Variants in LINGO2 observed in about 807,000 individuals in gnomAD.
The protein encoded by LINGO2 is leucine-rich repeat and immunoglobulin-like domain-containing nogo receptor-interacting protein 2.
Under a neutral mutation model 30.6 loss-of-function variants are expected in LINGO2, and 14 were observed. The ratio of observed to expected loss-of-function variants is 0.46; its 90% CI spans 0.30 to 0.72. The LOEUF is 0.72. Among genes scored for constraint, LINGO2 ranks in the 30% least tolerant of loss-of-function variants. The pLI is 0.07. For missense variants in LINGO2, 729 were observed against 751.7 expected (o/e 0.97, Z 0.35); for synonymous variants, 317 against 288.5 (o/e 1.10, Z -1.00).
At chr9:28,869,937 G>T in the LINGO2 span, among the ~76,000 whole-genome samples, 2 of 151,136 alleles carry the variant, frequency 1.3e-5, no homozygotes, top group African/African-American at 4.9e-5. Context: ...TAAAGGAAAG[G>T]ACACATCAGT....
intron 1 of LINGO2, among the ~76,000 whole-genome samples, chr9:28,646,715 T>G (rs563454612): frequency 6.6e-6 from 1 of 152,232 alleles, no homozygotes; most frequent in South Asian, 2.1e-4. Flanking sequence ...TAATTTCTTA[T>G]GAAATGTCAC....
At chr9:27,955,571 T>C (rs1379736477) in intron 5 of LINGO2, among the ~76,000 whole-genome samples, 1 of 152,210 alleles carries the variant, frequency 6.6e-6, no homozygotes, top group African/African-American at 2.4e-5. Context: ...TAATATATAC[T>C]CTTATGTCCA....
chr9:28,626,697 T>C (rs2135853652), intron 1 of LINGO2, among the ~76,000 whole-genome samples: 1 of 152,194 alleles, frequency 6.6e-6, no homozygotes, highest in East Asian at 1.9e-4. Flanking sequence ...ACGTTTTTTC[T>C]CTCTCTGTTC....
At chr9:28,388,610 C>A (rs1821696355) in intron 2 of LINGO2, among the ~76,000 whole-genome samples, 1 of 152,122 alleles carries the variant, frequency 6.6e-6, no homozygotes, top group Non-Finnish European at 1.5e-5. Context: ...AATCCTGTAT[C>A]TCACCCTTCA....
At chr9:27,960,619 T>C (rs1223335516) in intron 5 of LINGO2, among the ~76,000 whole-genome samples, 11 of 131,366 alleles carry the variant, frequency 8.4e-5, no homozygotes, top group Non-Finnish European at 1.5e-4. Flanking sequence ...TATATCTTTT[T>C]TTTTTTTTTT....
chr9:28,736,689 G>T, the LINGO2 span, among the ~76,000 whole-genome samples: 1 of 152,042 alleles, frequency 6.6e-6, no homozygotes, highest in African/African-American at 2.4e-5. Context: ...CTACTTGCGG[G>T]GCTGAGGCAG....
intron 1 of LINGO2, among the ~76,000 whole-genome samples, chr9:28,528,852 T>G (rs1227551118): frequency 6.6e-6 from 1 of 152,074 alleles, no homozygotes; most frequent in African/African-American, 2.4e-5. Context: ...TCAAATAAAA[T>G]TTGATATTTT....
At chr9:28,348,135 G>A (rs34882496) in intron 3 of LINGO2, among the ~76,000 whole-genome samples, 12,054 of 152,088 alleles carry the variant, frequency 0.079, 643 homozygotes, top group East Asian at 0.16. Flanking sequence ...TGCTGTTCAC[G>A]GTGGAGGAGC....
intron 2 of LINGO2, among the ~76,000 whole-genome samples, chr9:28,404,900 T>TTGTGTGTGTGTGTGTGTGTGTG (rs60281661): frequency 1.3e-4 from 13 of 102,550 alleles, no homozygotes; most frequent in African/African-American, 3.5e-4. Flanking sequence ...CTCAGCCGCT[T>TTGTGTGTGTGTGTGTGTGTGTG]TGTGTGTGTG....
the LINGO2 span, among the ~76,000 whole-genome samples, chr9:28,732,057 G>A: frequency 2.6e-5 from 4 of 151,922 alleles, no homozygotes; most frequent in Non-Finnish European, 5.9e-5. Flanking sequence ...TGAACCTTCC[G>A]GGATTCTAGA....
Position 28,148,978 on chromosome 9 carries a change from G to T in LINGO2, c.-86-136573C>A, listed in dbSNP as rs200595328. 1.3e-5 allele frequency: 20 copies of T among 1,534,104 alleles called. No homozygotes were observed. The highest frequency in any genetic ancestry group is 1.7e-5 in the Non-Finnish European group (19 of 1,146,756). On this transcript the variant is annotated intron_variant, in intron 4 of 5. Coordinates refer to ENST00000379992, the Ensembl canonical transcript of LINGO2. This position sits in a 1 kb window ranked among gnomAD's most constrained non-coding sequence, Gnocchi z 5.1. ...ACAAAAGAAAACTGTCGGGGCCACC[G>T]CTGCAGCTGCAACCGACCCCTCCCC...
the LINGO2 span, among the ~76,000 whole-genome samples, chr9:29,161,471 C>G: frequency 6.6e-6 from 1 of 152,258 alleles, no homozygotes; most frequent in South Asian, 2.1e-4. Context: ...TATCTGCACC[C>G]CTAGTATCCT....
the LINGO2 span, among the ~76,000 whole-genome samples, chr9:28,683,064 A>C: frequency 6.6e-6 from 1 of 152,142 alleles, no homozygotes; most frequent in African/African-American, 2.4e-5. Context: ...TAATAGAAAG[A>C]ACCTCACAGC....
chr9:28,687,625 T>G, the LINGO2 span, among the ~76,000 whole-genome samples: 1 of 152,088 alleles, frequency 6.6e-6, no homozygotes, highest in Non-Finnish European at 1.5e-5. Flanking sequence ...CAGATCTGTC[T>G]TACACCACAG....
chr9:28,316,072 C>G (rs67657603), intron 3 of LINGO2, among the ~76,000 whole-genome samples: 12,305 of 151,948 alleles, frequency 0.081, 632 homozygotes, highest in East Asian at 0.22. Flanking sequence ...ATATTTCTCA[C>G]TTTATAGAAT....
chr9:28,433,995 A>G (rs928397241), intron 2 of LINGO2, among the ~76,000 whole-genome samples: 7 of 149,102 alleles, frequency 4.7e-5, no homozygotes, highest in Non-Finnish European at 3.0e-5. Flanking sequence ...ATACTACTAT[A>G]CTACTATGGA....
At chr9:29,106,681 C>A in the LINGO2 span, among the ~76,000 whole-genome samples, 1 of 152,118 alleles carries the variant, frequency 6.6e-6, no homozygotes, top group South Asian at 2.1e-4. Flanking sequence ...AAATAACATT[C>A]ATAATAATTG....
chr9:28,349,124 T>A (rs1402307997), intron 3 of LINGO2, among the ~76,000 whole-genome samples: 1 of 152,138 alleles, frequency 6.6e-6, no homozygotes, highest in Non-Finnish European at 1.5e-5. Flanking sequence ...AGTTCCTCAC[T>A]AGCAACGGAA....
chr9:28,031,207 C>G (rs1823653016), intron 4 of LINGO2, among the ~76,000 whole-genome samples: 1 of 152,040 alleles, frequency 6.6e-6, no homozygotes, highest in Non-Finnish European at 1.5e-5. Flanking sequence ...GATGTGATTT[C>G]TCTGATATAT....
Sources: allele counts gnomAD v4.1 joint callset (sites outside exome capture counted in the v4.1 genomes callset), GRCh38; gene constraint gnomAD v4.1.1; non-coding constraint Gnocchi (gnomAD v3.1); transcripts MANE v1.5; gene names NCBI Gene and HGNC (gene_info 2026-07-23, HGNC 2026-07-21).